Variants in NCAM2 observed in about 807,000 individuals in gnomAD.
NCAM2 encodes the protein neural cell adhesion molecule 2.
NCAM2 carries 30 observed loss-of-function variants against 98.1 expected under a neutral mutation model. The ratio of observed to expected loss-of-function variants is 0.31; its 90% confidence interval spans 0.23 to 0.41. NCAM2 has a LOEUF of 0.41. NCAM2 is among the 10% of genes least tolerant of loss of function. The probability of loss-of-function intolerance (pLI) is 1.00; values close to 1 mark genes in which losing one functional copy is unlikely to be tolerated. For synonymous variants in NCAM2, 368 were observed against 342.4 expected (o/e 1.07, Z -0.83); for missense variants, 867 against 1,005.8 (o/e 0.86, Z 1.87).
chr21:21,234,504 T>G (rs2147201904), intron 1 of NCAM2, among the ~76,000 whole-genome samples: 1 of 152,050 alleles, frequency 6.6e-6, no homozygotes, highest in South Asian at 2.1e-4. Context: ...GTATAAACTC[T>G]TTTCTTAAGA....
intron 1 of NCAM2, among the ~76,000 whole-genome samples, chr21:21,258,546 C>A (rs964631176): frequency 1.2e-4 from 18 of 152,142 alleles, no homozygotes; most frequent in Non-Finnish European, 4.4e-5. Flanking sequence ...TGCTGACTGC[C>A]AATCTGCTGG....
chr21:21,503,596 C>G (rs184459991), intron 15 of NCAM2, among the ~76,000 whole-genome samples: 154 of 151,952 alleles, frequency 1.0e-3, no homozygotes, highest in African/African-American at 3.6e-3. Flanking sequence ...CTATAGATAA[C>G]CGAAACTGCA....
chr21:21,341,364 C>G (rs1004261251), intron 8 of NCAM2, among the ~76,000 whole-genome samples: 1 of 152,066 alleles, frequency 6.6e-6, no homozygotes, highest in South Asian at 2.1e-4. Flanking sequence ...ATAAACTCAT[C>G]AGTTGGTGTC....
At chr21:21,455,560 GT>G (rs1982020629) in intron 12 of NCAM2, among the ~76,000 whole-genome samples, 6 of 151,812 alleles carry the variant, frequency 4.0e-5, no homozygotes, top group Admixed American at 2.0e-4. Flanking sequence ...CAGAAAACAT[GT>G]TTTAAAATGC....
At chr21:21,501,076 T>C (rs1250647357) in intron 15 of NCAM2, among the ~76,000 whole-genome samples, 1 of 152,064 alleles carries the variant, frequency 6.6e-6, no homozygotes, top group Non-Finnish European at 1.5e-5. Flanking sequence ...CTGCTACACA[T>C]TGACTCTTTG....
chr21:21,416,177 A>G (rs1417374922), intron 10 of NCAM2, among the ~76,000 whole-genome samples: 2 of 152,164 alleles, frequency 1.3e-5, no homozygotes, highest in Admixed American at 6.5e-5. Context: ...TTTTAATATT[A>G]TTGTGTCTCA....
At chr21:21,468,209 T>G (rs930214144) in intron 13 of NCAM2, among the ~76,000 whole-genome samples, 1 of 152,024 alleles carries the variant, frequency 6.6e-6, no homozygotes, top group African/African-American at 2.4e-5. Context: ...TTAAAGCACA[T>G]TTACTAATTG....
chr21:21,345,271 A>G (rs2075155937), intron 8 of NCAM2, among the ~76,000 whole-genome samples: 1 of 152,106 alleles, frequency 6.6e-6, no homozygotes, highest in Non-Finnish European at 1.5e-5. Flanking sequence ...ACCTCACCAA[A>G]TGAACTAAAT....
intron 14 of NCAM2, among the ~76,000 whole-genome samples, chr21:21,470,519 G>T (rs563488439): frequency 6.6e-6 from 1 of 151,962 alleles, no homozygotes. Context: ...TACTGATAAA[G>T]TTTAAACAAG....
At chr21:21,214,746 T>TATATATACAC (rs11268201) in intron 1 of NCAM2, among the ~76,000 whole-genome samples, 1,481 of 100,564 alleles carry the variant, frequency 0.015, 29 homozygotes, top group Non-Finnish European at 0.021. Context: ...TATATATATA[T>TATATATACAC]ACACTATATA....
chr21:21,118,528 G>A (rs73332356), intron 1 of NCAM2, among the ~76,000 whole-genome samples: 5,082 of 152,184 alleles, frequency 0.033, 227 homozygotes, highest in African/African-American at 0.11. Flanking sequence ...AAGGAAGAAT[G>A]CTCTAAATTC....
At chr21:21,393,055 C>G (rs113796233) in intron 9 of NCAM2, among the ~76,000 whole-genome samples, 1 of 152,008 alleles carries the variant, frequency 6.6e-6, no homozygotes, top group Non-Finnish European at 1.5e-5. Context: ...TCTAGGTTGC[C>G]TTCCAGGGTT....
chr21:21,339,299 G>A lies in NCAM2; in HGVS notation c.1044+765G>A, dbSNP rs144298181. ...ATTTAGAATCTAATGTAGAGAAATA[G>A]GTACAAACAAATTACTGCATTGTGA... is the stretch of plus-strand genomic sequence containing the variant. On this transcript the variant is annotated intron_variant, in intron 8 of 17. Coordinates refer to ENST00000400546, the MANE Select transcript of NCAM2 (RefSeq NM_004540.5). 5.5e-3 allele frequency among the ~76,000 whole-genome samples: 844 copies of A among 152,092 alleles called. 16 individuals are homozygous for A. The East Asian group carries it at 0.062, about 11-fold the overall frequency.
intron 1 of NCAM2, among the ~76,000 whole-genome samples, chr21:21,061,325 C>T (rs925065319): frequency 6.6e-6 from 1 of 152,148 alleles, no homozygotes; most frequent in African/African-American, 2.4e-5. Flanking sequence ...CTGCTATAAA[C>T]AATCACAGTT....
At chr21:21,399,542 ATTC>A (rs575056399) in intron 9 of NCAM2, among the ~76,000 whole-genome samples, 97 of 152,324 alleles carry the variant, frequency 6.4e-4, no homozygotes, top group African/African-American at 2.2e-3. Context: ...GATGATGCCT[ATTC>A]TTATTCTCAT....
chr21:21,008,180 T>C (rs1157319606), intron 1 of NCAM2, among the ~76,000 whole-genome samples: 1 of 152,104 alleles, frequency 6.6e-6, no homozygotes, highest in Non-Finnish European at 1.5e-5. Context: ...AAAAAATTAC[T>C]TACTTAGATA....
At chr21:21,435,500 T>C (rs1978300651) in intron 12 of NCAM2, among the ~76,000 whole-genome samples, 1 of 152,170 alleles carries the variant, frequency 6.6e-6, no homozygotes, top group Non-Finnish European at 1.5e-5. Context: ...GTTTTCTGCT[T>C]ACATTGCGGG....
At chr21:21,292,312 T>C in intron 5 of NCAM2, 71 bp downstream of exon 5, 8 of 1,464,864 alleles carry the variant, frequency 5.5e-6, no homozygotes, top group South Asian at 1.3e-5. Context: ...ATGGCAACCA[T>C]GTGAACTCAA....
chr21:21,338,182 T>C (rs1361377179), intron 7 of NCAM2, among the ~76,000 whole-genome samples: 2 of 152,114 alleles, frequency 1.3e-5, no homozygotes, highest in African/African-American at 4.8e-5. Flanking sequence ...TGTATAATGG[T>C]AACAGATGAG....
Sources: allele counts gnomAD v4.1 joint callset (sites outside exome capture counted in the v4.1 genomes callset), GRCh38; gene constraint gnomAD v4.1.1; transcripts MANE v1.5; gene names NCBI Gene and HGNC (gene_info 2026-07-23, HGNC 2026-07-21).